CDH13: variants seen among roughly 807,000 people sequenced by gnomAD.
CDH13 encodes the protein cadherin 13.
Under a neutral mutation model 63.8 loss-of-function variants are expected in CDH13, and 24 were observed. The observed-to-expected ratio is 0.38, with a 90% CI of 0.27 to 0.53. The LOEUF is 0.53. Ranked by LOEUF, CDH13 falls within the 20% of genes least tolerant of loss-of-function variation. CDH13 has a pLI of 0.85. For missense variants in CDH13, 1,049 were observed against 903.1 expected, an observed-to-expected ratio of 1.16 and a Z score of -2.07; for synonymous variants, 503 against 355.3, an observed-to-expected ratio of 1.42 and a Z score of -4.67.
intron 1 of CDH13, among the ~76,000 whole-genome samples, chr16:82,826,857 G>C (rs981021182): frequency 1.3e-5 from 2 of 152,184 alleles, no homozygotes; most frequent in African/African-American, 4.8e-5. Flanking sequence ...ACCACAGGAA[G>C]GGTGAGGCAG....
intron 2 of CDH13, among the ~76,000 whole-genome samples, chr16:83,000,498 T>C (rs529620722): frequency 1.5e-3 from 229 of 151,510 alleles, no homozygotes; most frequent in Admixed American, 2.7e-3. Context: ...TCCACTCACC[T>C]TGGGCTCCCA....
At chr16:82,967,971 C>T (rs760432326) in intron 2 of CDH13, among the ~76,000 whole-genome samples, 6 of 152,180 alleles carry the variant, frequency 3.9e-5, no homozygotes, top group Non-Finnish European at 7.4e-5. Flanking sequence ...TAATTTTTGC[C>T]CTCCTGCCCC....
At chr16:83,636,180 T>G (rs976440727) in intron 8 of CDH13, among the ~76,000 whole-genome samples, 1 of 152,182 alleles carries the variant, frequency 6.6e-6, no homozygotes, top group East Asian at 1.9e-4. Flanking sequence ...TTGATCTATG[T>G]CTCTGTCTCA....
chr16:83,287,088 G>A (rs1320122865), intron 5 of CDH13, among the ~76,000 whole-genome samples: 2 of 152,278 alleles, frequency 1.3e-5, no homozygotes, highest in South Asian at 2.1e-4. Flanking sequence ...GGCCATAAAT[G>A]TTTGAAAAGC....
At chr16:83,036,717 G>T (rs1043436243) in intron 3 of CDH13, among the ~76,000 whole-genome samples, 1 of 152,204 alleles carries the variant, frequency 6.6e-6, no homozygotes, top group African/African-American at 2.4e-5. Context: ...TGCACCCTGT[G>T]TTCTGCTTCT....
chr16:83,070,320 C>G (rs970216421), intron 3 of CDH13, among the ~76,000 whole-genome samples: 5 of 152,144 alleles, frequency 3.3e-5, no homozygotes, highest in African/African-American at 1.2e-4. Flanking sequence ...GTACGATGAC[C>G]TTTGAGGTGC....
intron 7 of CDH13, among the ~76,000 whole-genome samples, chr16:83,586,506 C>T (rs7350819): frequency 2.0e-5 from 3 of 152,200 alleles, no homozygotes; most frequent in Non-Finnish European, 4.4e-5. Flanking sequence ...GTCTGGGAGT[C>T]TGAGCCGAGA....
chr16:82,971,200 T>C (rs575872752), intron 2 of CDH13, among the ~76,000 whole-genome samples: 4 of 152,306 alleles, frequency 2.6e-5, no homozygotes, highest in Admixed American at 6.5e-5. Context: ...TAAACTGGCT[T>C]CCATAACTCA....
intron 2 of CDH13, among the ~76,000 whole-genome samples, chr16:82,905,992 A>T (rs1023454097): frequency 2.0e-5 from 3 of 152,144 alleles, no homozygotes; most frequent in African/African-American, 7.2e-5. Context: ...GAAAAAATAC[A>T]CATATGTGTA....
chr16:83,730,497 C>G (rs10514595), intron 10 of CDH13, among the ~76,000 whole-genome samples: 29,944 of 152,200 alleles, frequency 0.2, 3,017 homozygotes, highest in Middle Eastern at 0.22. Flanking sequence ...GAGATACCTC[C>G]TTCTGGGCTA....
Position 83,115,524 on chromosome 16 carries a change from C to T in CDH13, c.367-9861C>T, listed in dbSNP as rs574288356. On this transcript the variant is annotated intron_variant, in intron 3 of 13. Coordinates refer to ENST00000567109, the MANE Select transcript of CDH13 (RefSeq NM_001257.5). ...ACCCTCAGGTCCTTGAACTCAAACC[C>T]GAAGCATCACATCTTTGCGTGAAGC... 3.6e-4 allele frequency among the ~76,000 whole-genome samples: 55 copies of T among 152,312 alleles called. 1 individual carries two copies. The Middle Eastern group carries it at 0.01, about 28-fold the overall frequency.
chr16:83,563,366 A>T (rs1353612362), intron 7 of CDH13, among the ~76,000 whole-genome samples: 17 of 152,230 alleles, frequency 1.1e-4, no homozygotes, highest in Non-Finnish European at 2.5e-4. Context: ...ATTCACTTCA[A>T]ACACAACATG....
At chr16:82,973,209 A>T (rs1338103150) in intron 2 of CDH13, among the ~76,000 whole-genome samples, 1 of 152,090 alleles carries the variant, frequency 6.6e-6, no homozygotes, top group Non-Finnish European at 1.5e-5. Flanking sequence ...TTTCATTCTG[A>T]TGCTCATTTT....
intron 6 of CDH13, among the ~76,000 whole-genome samples, chr16:83,348,417 C>T (rs770099679): frequency 6.6e-6 from 1 of 152,192 alleles, no homozygotes; most frequent in Non-Finnish European, 1.5e-5. Flanking sequence ...AGGCCTTTGT[C>T]ACCACTCATG....
At chr16:82,804,305 A>ACG (rs2037034048) in intron 1 of CDH13, among the ~76,000 whole-genome samples, 1 of 149,188 alleles carries the variant, frequency 6.7e-6, no homozygotes, top group East Asian at 2.0e-4. Context: ...ACACACACAC[A>ACG]CACACACGCA....
intron 4 of CDH13, among the ~76,000 whole-genome samples, chr16:83,214,594 A>AAAAAAAAAG (rs2039440749): frequency 6.7e-6 from 1 of 148,174 alleles, no homozygotes; most frequent in Non-Finnish European, 1.5e-5. Flanking sequence ...AAAAAAAAAA[A>AAAAAAAAAG]AAAAAAAAGA....
intron 1 of CDH13, among the ~76,000 whole-genome samples, chr16:82,714,730 A>G (rs1354006212): frequency 6.8e-6 from 1 of 146,682 alleles, no homozygotes; most frequent in Non-Finnish European, 1.5e-5. Context: ...AAAAAAAAAA[A>G]AAAAAAAAAG....
chr16:82,780,766 T>C (rs550966394), intron 1 of CDH13, among the ~76,000 whole-genome samples: 107 of 152,360 alleles, frequency 7.0e-4, no homozygotes, highest in African/African-American at 2.3e-3. Context: ...GCTTTTTTCT[T>C]TCACGCTGGT....
chr16:83,113,032 A>G (rs115307888), intron 3 of CDH13, among the ~76,000 whole-genome samples: 1,764 of 152,326 alleles, frequency 0.012, 32 homozygotes, highest in African/African-American at 0.04. Context: ...AAAAGCAGGG[A>G]GCGTGAGCCA....
Sources: allele counts gnomAD v4.1 joint callset (sites outside exome capture counted in the v4.1 genomes callset), GRCh38; gene constraint gnomAD v4.1.1; transcripts MANE v1.5; gene names NCBI Gene and HGNC (gene_info 2026-07-23, HGNC 2026-07-21).